The following AMHR2 variants were observed in gnomAD, a reference collection of about 807,000 sequenced individuals.
AMHR2 encodes anti-Mullerian hormone receptor type 2.
Under a neutral mutation model 61.4 loss-of-function variants are expected in AMHR2, and 36 were observed. The ratio of observed to expected loss-of-function variants is 0.59; its 90% CI spans 0.45 to 0.77. AMHR2 has a LOEUF of 0.77. Among genes scored for constraint, AMHR2 ranks in the 30% least tolerant of loss-of-function variants. The probability of loss-of-function intolerance (pLI) is 0.00; values close to 1 mark genes in which losing one functional copy is unlikely to be tolerated. For synonymous variants in AMHR2, 258 were observed against 279.4 expected (o/e 0.92, Z 0.76); for missense variants, 638 against 714.6 (o/e 0.89, Z 1.22).
In AMHR2 at chr12:53,431,178, A is replaced by T; in HGVS notation, c.1427A>T (p.Asp476Val). The change falls in exon 11 of 11, where the codon GAC (aspartate) becomes GTC (valine). Residue 476 changes from aspartate (D) to valine (V), a missense_variant and splice_region_variant. Coordinates refer to ENST00000257863, the MANE Select transcript of AMHR2 (RefSeq NM_020547.3). ...CTTCCTCCCTGTCATTCCCCCCAGG[A>T]CCCTGATGGGCTGAGGGAGCTCCTA... ...IPSTWRCFAT[D>V]PDGLRELLED... The T allele has an allele frequency of 6.2e-7, 1 of 1,614,080 alleles. No individual in the cohort carries two copies. The highest frequency in any genetic ancestry group is 1.1e-5 in the South Asian group (1 of 91,084).
intron 9 of AMHR2, 37 bp downstream of exon 9, chr12:53,430,015 C>T (rs1939974983): frequency 1.9e-6 from 3 of 1,614,086 alleles, no homozygotes; most frequent in Non-Finnish European, 2.5e-6. Flanking sequence ...TCCTGGGCTC[C>T]CCCCCGCCCA....
chr12:53,425,656 A>T (rs920098365), intron 5 of AMHR2, 33 bp from the exon 6 acceptor site: 1 of 1,613,342 alleles, frequency 6.2e-7, no homozygotes. Flanking sequence ...GTTATAGCTC[A>T]GAGGCCCACA....
Position 53,431,465 on chromosome 12 carries a change from C to T in AMHR2, c.1714C>T (p.Pro572Ser), listed in dbSNP as rs2136978953. The change falls in exon 11 of 11, where the codon CCT (proline) becomes TCT (serine). Residue 572 changes from proline to serine, a missense_variant. Coordinates refer to ENST00000257863, the MANE Select transcript of AMHR2 (RefSeq NM_020547.3). ...RNPQPACTLS[P>S]V ...TCCTCAGCCTGCCTGTACCCTTTCT[C>T]CTGTGTAAATATGCAGTTTATGTGT... 2 of 1,614,244 alleles carry T rather than the reference C, an allele frequency of 1.2e-6. No individual in the cohort carries two copies. Among genetic ancestry groups the T allele is most frequent in the Non-Finnish European group, 1.7e-6 (2 of 1,180,050 alleles).
At chr12:53,428,539 C>T (rs1404121252) in intron 6 of AMHR2, among the ~76,000 whole-genome samples, 1 of 152,152 alleles carries the variant, frequency 6.6e-6, no homozygotes, top group African/African-American at 2.4e-5. Context: ...CCACTCCTGC[C>T]TCACCGACTG....
At chr12:53,429,799 T>C in intron 8 of AMHR2, 32 bp from the exon 9 acceptor site, 1 of 1,614,010 alleles carries the variant, frequency 6.2e-7, no homozygotes, top group Non-Finnish European at 8.5e-7. Flanking sequence ...GCCACAGAGA[T>C]GATTCTTGGC....
chr12:53,430,587 A>G (rs1353690711), intron 10 of AMHR2: 1 of 490,520 alleles, frequency 2.0e-6, no homozygotes, highest in East Asian at 4.0e-5. Context: ...TTCTCCAGGA[A>G]GCCCTCCTTG....
Position 53,430,290 on chromosome 12 carries a change from G to C in AMHR2, c.1425+8G>C, listed in dbSNP as rs755002403. On this transcript the variant is annotated splice_region_variant and intron_variant, in intron 10 of 10. Transcript: ENST00000257863. ...TGGCGCTGCTTTGCCACAGTAAGAG[G>C]CCTAGGCTGTTGGTCTGGGAACCTG... The C allele has an allele frequency of 5.6e-6, 9 of 1,614,038 alleles. No homozygotes were observed. The highest frequency in any genetic ancestry group is 6.8e-6 in the Non-Finnish European group (8 of 1,180,026).
intron 3 of AMHR2, 91 bp downstream of exon 3, chr12:53,424,991 G>A (rs1266705927): frequency 5.2e-6 from 8 of 1,551,496 alleles, no homozygotes; most frequent in South Asian, 1.1e-5. Flanking sequence ...CCCTACTCCC[G>A]CCCCACGCTT....
chr12:53,427,808 G>A (rs1468985846), intron 6 of AMHR2, among the ~76,000 whole-genome samples: 2 of 152,192 alleles, frequency 1.3e-5, no homozygotes, highest in Non-Finnish European at 2.9e-5. Flanking sequence ...CATTTGCCCA[G>A]AATCTATGTG....
At position 53,425,447 on chromosome 12, in the gene AMHR2, T is replaced by A. The variant is rs1307371985; in HGVS notation, c.503-8T>A. 1 of 1,613,644 alleles carries A rather than the reference T, an allele frequency of 6.2e-7. No individual in the cohort carries two copies. Among genetic ancestry groups the A allele is most frequent in the Non-Finnish European group, 8.5e-7 (1 of 1,179,972 alleles). On this transcript the variant is annotated splice_region_variant and splice_polypyrimidine_tract_variant and intron_variant, in intron 4 of 10. Coordinates refer to ENST00000257863, the MANE Select transcript of AMHR2 (RefSeq NM_020547.3). ...GCACCCTGACCCTAAGGCTCTTGTC[T>A]GTTCCAGCCCTGCTACAGCGAAAGA...
chr12:53,424,106 A>T, intron 1 of AMHR2, 123 bp downstream of exon 1: 1 of 1,351,782 alleles, frequency 7.4e-7, no homozygotes, highest in Non-Finnish European at 1.0e-6. Flanking sequence ...GGTGAAGGAT[A>T]GAGCCATGTG....
At chr12:53,428,104 T>A (rs1939778224) in intron 6 of AMHR2, among the ~76,000 whole-genome samples, 1 of 152,220 alleles carries the variant, frequency 6.6e-6, no homozygotes, top group Admixed American at 6.5e-5. Context: ...TTTTTGTTTG[T>A]TTAATTTCTC....
At position 53,428,848 on chromosome 12, in the gene AMHR2, G is replaced by A. The variant is rs201683713; in HGVS notation, c.853-48G>A. ...GATCTCTGCTCCCTGGGATGGATCA[G>A]CCGTCTCCAGCTTTGTGTACCATCC... On this transcript the variant is annotated intron_variant, in intron 6 of 10. Coordinates refer to ENST00000257863, the MANE Select transcript of AMHR2 (RefSeq NM_020547.3). 4 of 1,376,816 alleles carry A rather than the reference G, an allele frequency of 2.9e-6. No individual in the cohort carries two copies. In the Admixed American group the frequency reaches 5.9e-5, roughly 20 times the overall value. The allele number at this position is 1,376,816 out of a possible 1,614,324, so 85.3% of individuals were successfully genotyped here. A position where few individuals can be genotyped will look rare whatever the true frequency, so the allele number is the denominator to read the frequency against.
Position 53,430,297 on chromosome 12 carries a change from C to G in AMHR2, c.1425+15C>G, listed in dbSNP as rs995462793. 3 of 1,614,198 alleles carry G rather than the reference C, an allele frequency of 1.9e-6. No individual in the cohort carries two copies. The Admixed American group carries it at 5.0e-5, about 27-fold the overall frequency. ...GCTTTGCCACAGTAAGAGGCCTAGG[C>G]TGTTGGTCTGGGAACCTGGAGAGTG... On this transcript the variant is annotated intron_variant, in intron 10 of 10. Coordinates refer to ENST00000257863, the MANE Select transcript of AMHR2 (RefSeq NM_020547.3).
rs1260213369 is a variant in AMHR2 at position 53,425,899 on chromosome 12, G to A, written c.832G>A (p.Val278Ile). Residue 278 changes from valine (V) to isoleucine (I), a missense_variant, in exon 6 of 11, where the codon GTA becomes ATA. Val to Ile is a conservative substitution (Grantham distance 29). Coordinates refer to ENST00000257863, the MANE Select transcript of AMHR2 (RefSeq NM_020547.3). Reference protein sequence around the residue: ...PGRLLSGPLLVLELHPKGSLC... With the variant: ...PGRLLSGPLLILELHPKGSLC... ...CCGCCTGCTCTCTGGGCCCCTGCTG[G>A]TACTGGAACTGCATCCCAAGGTGAG... 6.2e-7 allele frequency: 1 copy of A among 1,614,016 alleles called. No individual in the cohort carries two copies. Among genetic ancestry groups the A allele is most frequent in the Non-Finnish European group, 8.5e-7 (1 of 1,180,004 alleles).
chr12:53,430,001 C>A lies in AMHR2; in HGVS notation c.1288+23C>A, dbSNP rs571389839. 29 of 1,614,160 alleles carry A rather than the reference C, an allele frequency of 1.8e-5. No individual in the cohort carries two copies. In the East Asian group the frequency reaches 6.5e-4, roughly 36 times the overall value. On this transcript the variant is annotated intron_variant, in intron 9 of 10. Transcript: ENST00000257863. ...CTGGTAAGGATGGGTGGTACAGTCC[C>A]CTCTCCTGGGCTCCCCCCCGCCCAT...
chr12:53,425,772 G>A lies in AMHR2; in HGVS notation c.705G>A (p.Arg235=), dbSNP rs267603539. The A allele has an allele frequency of 1.2e-6, 2 of 1,614,122 alleles. No individual in the cohort carries two copies. The highest frequency in any genetic ancestry group is 1.7e-6 in the Non-Finnish European group (2 of 1,180,040). ...KLVAIKAFPP[R]SVAQFQAERA... ...TTGCCATCAAGGCCTTCCCACCGAG[G>A]TCTGTGGCTCAGTTCCAAGCTGAGA... Residue 235 remains arginine (R), a synonymous_variant, in exon 6 of 11, where the codon AGG becomes AGA. Coordinates refer to ENST00000257863, the MANE Select transcript of AMHR2 (RefSeq NM_020547.3).
At chr12:53,426,496 G>A (rs1477389044) in intron 6 of AMHR2, among the ~76,000 whole-genome samples, 1 of 151,738 alleles carries the variant, frequency 6.6e-6, no homozygotes, top group Non-Finnish European at 1.5e-5. Context: ...GATGGCACAT[G>A]CCTGTGGTCC....
chr12:53,429,732 C>T, intron 8 of AMHR2, 99 bp from the exon 9 acceptor site: 2 of 1,599,902 alleles, frequency 1.3e-6, no homozygotes, highest in Non-Finnish European at 1.7e-6. Flanking sequence ...GCATTTGGGA[C>T]ATTGCTGAGT....
Sources: gnomAD v4.1 joint callset for allele counts (sites outside exome capture counted in the v4.1 genomes callset) on GRCh38, gnomAD v4.1.1 for gene constraint, MANE v1.5 for transcripts, NCBI Gene and HGNC (gene_info 2026-07-23, HGNC 2026-07-21) for gene names.